NPHS1: variants seen among roughly 807,000 people sequenced by gnomAD.
NPHS1 encodes nephrin.
A neutral mutation model predicts 139.7 loss-of-function variants in NPHS1; 107 were observed. The ratio of observed to expected loss-of-function variants is 0.77; its 90% CI spans 0.66 to 0.90. The LOEUF is 0.90. Among genes scored for constraint, NPHS1 ranks in the 40% least tolerant of loss-of-function variants. The pLI is 0.00. For synonymous variants in NPHS1, 707 were observed against 706.6 expected, an observed-to-expected ratio of 1.00 and a Z score of -0.01; for missense variants, 1,580 against 1,654.2, an observed-to-expected ratio of 0.96 and a Z score of 0.78.
At position 35,848,986 on chromosome 19, in the gene NPHS1, C is replaced by T. The variant is rs1973187226; in HGVS notation, c.1002G>A (p.Leu334=). Reference sequence around the variant, plus strand: ...GGCACCAGGACTCACAGGTGACCTGCAGTGTGATGCCGTGCTCCTGGGTCC... The same window carrying T: ...GGCACCAGGACTCACAGGTGACCTGTAGTGTGATGCCGTGCTCCTGGGTCC... The part of the protein sequence containing the change: ...SAGTQEHGIT[L]QVTFPPSAII... The change falls in exon 8 of 29, where the codon CTG becomes CTA. Residue 334 remains leucine, a synonymous_variant. Coordinates refer to ENST00000378910, the MANE Select transcript of NPHS1 (RefSeq NM_004646.4). 6.2e-7 allele frequency: 1 copy of T among 1,611,842 alleles called. No homozygotes were observed. Among genetic ancestry groups the T allele is most frequent in the South Asian group, 1.1e-5 (1 of 91,032 alleles).
At chr19:35,851,750 C>T (rs774351568) in intron 1 of NPHS1, 30 bp downstream of exon 1, 71 of 1,556,640 alleles carry the variant, frequency 4.6e-5, no homozygotes, top group Non-Finnish European at 5.6e-5. Flanking sequence ...GGCCACTTGG[C>T]GCTGGGTACA....
At chr19:35,831,222 C>A in intron 26 of NPHS1, 74 bp downstream of exon 26, 1 of 1,609,246 alleles carries the variant, frequency 6.2e-7, no homozygotes, top group Non-Finnish European at 8.5e-7. Flanking sequence ...CAATGATCAA[C>A]CTGATGCTAA....
At chr19:35,838,739 CA>C (rs1973012298) in intron 22 of NPHS1, among the ~76,000 whole-genome samples, 1 of 151,412 alleles carries the variant, frequency 6.6e-6, no homozygotes, top group South Asian at 2.1e-4. Context: ...CCCAGTTACT[CA>C]GAAGACTGAG....
rs558068909 is a variant in NPHS1 at position 35,831,934 on chromosome 19, T to C, written c.3167-172A>G. Among the ~76,000 whole-genome samples the C allele has an allele frequency of 2.6e-4, 39 of 152,288 alleles. 3 individuals are homozygous for C. In the South Asian group the frequency reaches 8.1e-3, roughly 32 times the overall value. On this transcript the variant is annotated intron_variant, in intron 23 of 28. Transcript: ENST00000378910. ...TGCCCACCCAAGGGCAGGTGGCTTC[T>C]TTCTTAAGTCAAGCCATTAGCAAAA...
rs1251243586 is a variant in NPHS1, at chr19:35,846,190, G to A, written c.1445C>T (p.Ser482Leu). Residue 482 changes from serine to leucine, a missense_variant, in exon 12 of 29, where the codon TCG becomes TTG. Transcript: ENST00000378910. Reference sequence around the variant, plus strand: ...CAGCCGCGACTCGGTCACGGTGCGCGAGTCCTACGGGCCGGGAGTGACTGG... The same window carrying A: ...CAGCCGCGACTCGGTCACGGTGCGCAAGTCCTACGGGCCGGGAGTGACTGG... Reference protein sequence around the residue: ...PEPSLMWYKDSRTVTESRLPQ... With the variant: ...PEPSLMWYKDLRTVTESRLPQ... The A allele has an allele frequency of 6.3e-7, 1 of 1,586,726 alleles. No homozygotes were observed. Among genetic ancestry groups the A allele is most frequent in the South Asian group, 1.1e-5 (1 of 87,350 alleles).
At chr19:35,843,622 C>T (rs762496505) in intron 16 of NPHS1, 29 bp from the exon 17 acceptor site, 53 of 1,612,542 alleles carry the variant, frequency 3.3e-5, no homozygotes, top group Middle Eastern at 3.3e-4. Context: ...TTGGGGAAGA[C>T]ACTTGGGCCC....
chr19:35,833,481 C>T (rs774186219), intron 23 of NPHS1, among the ~76,000 whole-genome samples: 13 of 152,154 alleles, frequency 8.5e-5, no homozygotes, highest in Non-Finnish European at 1.8e-4. Flanking sequence ...TTTGACCCAA[C>T]GTGTGTTTTT....
In NPHS1 at chr19:35,839,229, C is replaced by T. The variant is rs1599839952; in HGVS notation, c.3109+8G>A. 3.7e-6 allele frequency: 6 copies of T among 1,614,106 alleles called. No homozygotes were observed. The highest frequency in any genetic ancestry group is 5.1e-6 in the Non-Finnish European group (6 of 1,179,946). On this transcript the variant is annotated splice_region_variant and intron_variant, in intron 22 of 28. Coordinates refer to ENST00000378910, the MANE Select transcript of NPHS1 (RefSeq NM_004646.4). ...AATACTCCAACCTGCCCAAGCCTCCCTTCCCACCTGGGGTAGTGATGGGAA... is the reference window on the plus strand; with the variant it reads ...AATACTCCAACCTGCCCAAGCCTCCTTTCCCACCTGGGGTAGTGATGGGAA...
chr19:35,835,657 G>A (rs1972947098), intron 23 of NPHS1, 48 bp downstream of exon 23: 1 of 1,526,964 alleles, frequency 6.5e-7, no homozygotes, highest in Non-Finnish European at 9.1e-7. Context: ...AGACCAGGAG[G>A]TTCCATTCTC....
chr19:35,828,557 C>T (rs1311152296), intron 28 of NPHS1, among the ~76,000 whole-genome samples: 13 of 152,200 alleles, frequency 8.5e-5, no homozygotes. Flanking sequence ...AGCCACCGTG[C>T]CCGGCCTGGT....
In NPHS1 at chr19:35,849,112, C is replaced by T; in HGVS notation, c.876G>A (p.Glu292=). Residue 292 remains glutamate (E), a synonymous_variant, in exon 8 of 29, where the codon GAG becomes GAA. Transcript: ENST00000378910. ...CACTGCGGGCCACCGCCTGGGTGTG[C>T]TCTGTGCCCCACGCTGTGGACACCG... ...GQPVSTAWGT[E]HTQAVARSVL... is the part of the protein sequence containing the mutation. 2 of 1,609,640 alleles carry T rather than the reference C, an allele frequency of 1.2e-6. No individual in the cohort carries two copies. Among genetic ancestry groups the T allele is most frequent in the Non-Finnish European group, 8.5e-7 (1 of 1,180,012 alleles).
In NPHS1 at chr19:35,851,509, G is replaced by A; in HGVS notation, c.222C>T (p.Asp74=). ...ACCTCGGGAAGCCTGGGATCCTGGG[G>A]TCGGGGCCCAGGAGCAGCCCATCTT... ...WAKDGLLLGP[D]PRIPGFPRYR... The change falls in exon 2 of 29, where the codon GAC becomes GAT. Residue 74 remains aspartate (D), a synonymous_variant. Transcript: ENST00000378910. 2 of 1,613,754 alleles carry A rather than the reference G, an allele frequency of 1.2e-6. No individual in the cohort carries two copies. Among genetic ancestry groups the A allele is most frequent in the Non-Finnish European group, 1.7e-6 (2 of 1,180,016 alleles).
intron 16 of NPHS1, 28 bp downstream of exon 16, chr19:35,844,075 T>A (rs369147372): frequency 6.2e-7 from 1 of 1,603,414 alleles, no homozygotes; most frequent in Non-Finnish European, 8.5e-7. Context: ...CTTGGGTGGG[T>A]GTGGTTTCCA....
chr19:35,838,709 T>G (rs1452460668), intron 22 of NPHS1, among the ~76,000 whole-genome samples: 1 of 151,832 alleles, frequency 6.6e-6, no homozygotes, highest in African/African-American at 2.4e-5. Flanking sequence ...TAGCTGGGGG[T>G]GGTGGCACAT....
Position 35,852,093 on chromosome 19 carries a change from T to C in NPHS1, c.-256A>G, listed in dbSNP as rs1973283281. Among the ~76,000 whole-genome samples, 1 of 145,808 alleles carries C rather than the reference T, an allele frequency of 6.9e-6. No individual in the cohort carries two copies. The highest frequency in any genetic ancestry group is 2.7e-5 in the African/African-American group (1 of 36,442). Reference sequence around the variant, plus strand: ...AACTTTTTTTTCTTTTTTCTTTTTTTTTTCTTTTTTTTTTTTTTAGAGACG... The same window carrying C: ...AACTTTTTTTTCTTTTTTCTTTTTTCTTTCTTTTTTTTTTTTTTAGAGACG... On this transcript the variant is annotated 5_prime_UTR_variant, in exon 1 of 29. Coordinates refer to ENST00000378910, the MANE Select transcript of NPHS1 (RefSeq NM_004646.4).
intron 20 of NPHS1, among the ~76,000 whole-genome samples, chr19:35,840,180 T>C (rs1424594000): frequency 1.3e-5 from 2 of 151,046 alleles, no homozygotes; most frequent in East Asian, 3.9e-4. Flanking sequence ...ATTTTTCATA[T>C]TTTTAGTAGA....
chr19:35,831,568 C>T, intron 24 of NPHS1, 68 bp from the exon 25 acceptor site: 11 of 1,612,658 alleles, frequency 6.8e-6, no homozygotes, highest in Non-Finnish European at 9.3e-6. Flanking sequence ...CCAGGAAGAC[C>T]TTCAGTATGC....
At chr19:35,844,482 A>G (rs1407168807) in intron 14 of NPHS1, 23 bp from the exon 15 acceptor site, 7 of 1,549,324 alleles carry the variant, frequency 4.5e-6, no homozygotes, top group Non-Finnish European at 6.1e-6. Flanking sequence ...CGCCGCAGGG[A>G]GTCAAGATTG....
chr19:35,827,808 T>C (rs1464578890), intron 28 of NPHS1, among the ~76,000 whole-genome samples: 1 of 152,068 alleles, frequency 6.6e-6, no homozygotes. Flanking sequence ...TCCCAGCTAC[T>C]TGGGAGGCTG....
Sources: gnomAD v4.1 joint callset for allele counts (sites outside exome capture counted in the v4.1 genomes callset) on GRCh38, gnomAD v4.1.1 for gene constraint, MANE v1.5 for transcripts, NCBI Gene and HGNC (gene_info 2026-07-23, HGNC 2026-07-21) for gene names.